SERGEF: variants seen among roughly 807,000 people sequenced by gnomAD.
SERGEF encodes the protein secretion-regulating guanine nucleotide exchange factor.
SERGEF carries 51 observed loss-of-function variants against 50.0 expected under a neutral mutation model. The ratio of observed to expected loss-of-function variants is 1.02; its 90% CI spans 0.81 to 1.29. The LOEUF (loss-of-function observed/expected upper bound fraction) is 1.29. Ranked by LOEUF, SERGEF falls within the 50% of genes most tolerant of loss-of-function variation. The probability of loss-of-function intolerance (pLI) is 0.00; values close to 1 mark genes in which losing one functional copy is unlikely to be tolerated. For synonymous variants in SERGEF, 205 were observed against 212.4 expected, an observed-to-expected ratio of 0.97 and a Z score of 0.30; for missense variants, 521 against 557.0, an observed-to-expected ratio of 0.94 and a Z score of 0.65.
chr11:17,958,459 C>T (rs140739311), intron 9 of SERGEF, among the ~76,000 whole-genome samples: 1 of 151,872 alleles, frequency 6.6e-6, no homozygotes, highest in Non-Finnish European at 1.5e-5. Context: ...GTAACAGAAA[C>T]GCACACCCTG....
At chr11:17,870,003 T>C (rs1031448594) in intron 10 of SERGEF, among the ~76,000 whole-genome samples, 2 of 152,108 alleles carry the variant, frequency 1.3e-5, no homozygotes, top group Admixed American at 1.3e-4. Context: ...CAGGTGGAGG[T>C]AATTGAATCA....
chr11:17,911,765 G>A (rs1022957682), intron 9 of SERGEF, among the ~76,000 whole-genome samples: 2 of 152,074 alleles, frequency 1.3e-5, no homozygotes, highest in Non-Finnish European at 2.9e-5. Flanking sequence ...TGAGATTATA[G>A]GCATTATCTA....
At chr11:17,978,487 C>T (rs1853426710) in intron 8 of SERGEF, among the ~76,000 whole-genome samples, 1 of 152,118 alleles carries the variant, frequency 6.6e-6, no homozygotes, top group African/African-American at 2.4e-5. Context: ...AAAAGATGTG[C>T]ACATTGCTTT....
chr11:17,863,190 A>G (rs1850957739), intron 10 of SERGEF, among the ~76,000 whole-genome samples: 1 of 152,232 alleles, frequency 6.6e-6, no homozygotes, highest in Admixed American at 6.5e-5. Context: ...GAGATGATAT[A>G]TGCAAAATGT....
At chr11:17,954,460 C>A (rs916718709) in intron 9 of SERGEF, among the ~76,000 whole-genome samples, 1 of 152,006 alleles carries the variant, frequency 6.6e-6, no homozygotes, top group Non-Finnish European at 1.5e-5. Context: ...AGTGTAGGGG[C>A]CTGGCTCAAA....
intron 10 of SERGEF, among the ~76,000 whole-genome samples, chr11:17,858,656 C>G (rs1417022130): frequency 2.6e-5 from 4 of 151,974 alleles, no homozygotes; most frequent in Non-Finnish European, 5.9e-5. Context: ...AGAGGAAAAC[C>G]TCTGTATCAG....
At chr11:17,956,163 C>T (rs1161713372) in intron 9 of SERGEF, among the ~76,000 whole-genome samples, 13 of 152,092 alleles carry the variant, frequency 8.5e-5, no homozygotes, top group Admixed American at 8.5e-4. Flanking sequence ...GGTCTAAAAT[C>T]TCAAATAAAG....
intron 10 of SERGEF, among the ~76,000 whole-genome samples, chr11:17,832,941 A>G (rs1236420916): frequency 6.6e-6 from 1 of 152,224 alleles, no homozygotes. Flanking sequence ...AGCCAAGCAC[A>G]AAAGTTTGGA....
chr11:17,985,745 C>A (rs1853581508), intron 8 of SERGEF, among the ~76,000 whole-genome samples: 1 of 152,154 alleles, frequency 6.6e-6, no homozygotes, highest in East Asian at 1.9e-4. Context: ...GAGGGGAGGG[C>A]AGAGAACACA....
chr11:17,827,259 A>T (rs1850213198), intron 10 of SERGEF, among the ~76,000 whole-genome samples: 1 of 152,206 alleles, frequency 6.6e-6, no homozygotes, highest in Non-Finnish European at 1.5e-5. Flanking sequence ...AACCAGAGGC[A>T]AAACCAGGTT....
chr11:17,818,763 G>A (rs1350336087), intron 10 of SERGEF, among the ~76,000 whole-genome samples: 1 of 152,168 alleles, frequency 6.6e-6, no homozygotes. Context: ...CCCTGCCTAA[G>A]GTGATCTTAA....
intron 4 of SERGEF, among the ~76,000 whole-genome samples, chr11:18,002,240 C>T (rs1853978196): frequency 6.6e-6 from 1 of 152,158 alleles, no homozygotes; most frequent in South Asian, 2.1e-4. Flanking sequence ...CTCTCCATCC[C>T]AACTGTTGCT....
chr11:17,949,378 C>T (rs1852729084), intron 9 of SERGEF, among the ~76,000 whole-genome samples: 1 of 151,868 alleles, frequency 6.6e-6, no homozygotes, highest in South Asian at 2.1e-4. Flanking sequence ...ACAAGGAGGT[C>T]CCATTGGTCA....
intron 8 of SERGEF, among the ~76,000 whole-genome samples, chr11:17,968,459 TG>T (rs1224590080): frequency 6.6e-6 from 1 of 152,050 alleles, no homozygotes; most frequent in Non-Finnish European, 1.5e-5. Flanking sequence ...TAGGCCAAAG[TG>T]GGAGGATCAC....
rs1337483462 is a variant in SERGEF at position 17,884,382 on chromosome 11, C to T, written c.1012-6138G>A. Reference sequence around the variant, plus strand: ...CAGCCCCAGCTGGCTGGGCAGCCTGCGCCGCCTGGGTTAACAGGGCGAGGG... The same window carrying T: ...CAGCCCCAGCTGGCTGGGCAGCCTGTGCCGCCTGGGTTAACAGGGCGAGGG... On this transcript the variant is annotated intron_variant, in intron 9 of 10. Transcript: ENST00000265965. This position sits in a 1 kb window ranked among gnomAD's most constrained non-coding sequence, Gnocchi z 4.6. Among the ~76,000 whole-genome samples, 3 of 151,942 alleles carry T rather than the reference C, an allele frequency of 2.0e-5. No individual in the cohort carries two copies. The highest frequency in any genetic ancestry group is 4.4e-5 in the Non-Finnish European group (3 of 68,014).
intron 10 of SERGEF, among the ~76,000 whole-genome samples, chr11:17,861,849 T>C (rs767822613): frequency 4.7e-4 from 71 of 152,256 alleles, no homozygotes; most frequent in Non-Finnish European, 8.4e-4. Context: ...CGGTAGCATC[T>C]TGTCTCGCTA....
At position 18,000,245 on chromosome 11, in the gene SERGEF, C is replaced by T. The variant is rs211133; in HGVS notation, c.508+252G>A. The stretch of plus-strand genomic sequence containing the variant: ...GGAGGATTGCTTGAGGCCAGAAATT[C>T]AAGACCAGCCTGGGCAACATAGCGA... On this transcript the variant is annotated intron_variant, in intron 5 of 10. Coordinates refer to ENST00000265965, the MANE Select transcript of SERGEF (RefSeq NM_012139.4). Among the ~76,000 whole-genome samples, 1,969 of 152,176 alleles carry T rather than the reference C, an allele frequency of 0.013. 87 individuals are homozygous for T. In the East Asian group the frequency reaches 0.15, roughly 12 times the overall value.
chr11:17,849,299 G>C (rs1850671258), intron 10 of SERGEF, among the ~76,000 whole-genome samples: 1 of 152,038 alleles, frequency 6.6e-6, no homozygotes, highest in South Asian at 2.1e-4. Context: ...CAAATTCTAT[G>C]CATATTTTTA....
At chr11:17,875,520 T>C (rs1417443236) in intron 10 of SERGEF, among the ~76,000 whole-genome samples, 1 of 152,252 alleles carries the variant, frequency 6.6e-6, no homozygotes, top group East Asian at 1.9e-4. Flanking sequence ...AAAGCCAGTG[T>C]CACAGCATTC....
Sources: gnomAD v4.1 joint callset for allele counts (sites outside exome capture counted in the v4.1 genomes callset) on GRCh38, gnomAD v4.1.1 for gene constraint, Gnocchi (gnomAD v3.1) non-coding constraint, MANE v1.5 for transcripts, NCBI Gene and HGNC (gene_info 2026-07-23, HGNC 2026-07-21) for gene names.